SH3RF3: variants seen among roughly 807,000 people sequenced by gnomAD.
SH3RF3 encodes the protein E3 ubiquitin-protein ligase SH3RF3.
SH3RF3 carries 29 observed loss-of-function variants against 66.3 expected under a neutral mutation model. That is an observed-to-expected ratio of 0.44 (90% CI 0.33 to 0.60). The LOEUF is 0.60. Ranked by LOEUF, SH3RF3 falls within the 20% of genes least tolerant of loss-of-function variation. The probability of loss-of-function intolerance (pLI) is 0.04; values close to 1 mark genes in which losing one functional copy is unlikely to be tolerated. For missense variants in SH3RF3, 1,194 were observed against 1,190.9 expected (o/e 1.00, Z -0.04); for synonymous variants, 583 against 532.0 (o/e 1.10, Z -1.32).
intron 8 of SH3RF3, among the ~76,000 whole-genome samples, chr2:109,462,566 G>A (rs1317754528): frequency 6.6e-6 from 1 of 152,076 alleles, no homozygotes; most frequent in Non-Finnish European, 1.5e-5. Flanking sequence ...AGTCTTTGAT[G>A]GTGGCACTAA....
intron 2 of SH3RF3, among the ~76,000 whole-genome samples, chr2:109,354,191 G>A: frequency 6.6e-6 from 1 of 152,216 alleles, no homozygotes; most frequent in East Asian, 1.9e-4. Context: ...GCGACACAGA[G>A]TGGGTTGGGC....
At chr2:109,184,099 G>T (rs1335937949) in intron 1 of SH3RF3, among the ~76,000 whole-genome samples, 2 of 152,216 alleles carry the variant, frequency 1.3e-5, no homozygotes, top group Non-Finnish European at 2.9e-5. Flanking sequence ...CCATGTGGTG[G>T]TTCCATGTGC....
intron 7 of SH3RF3, among the ~76,000 whole-genome samples, chr2:109,442,218 G>A (rs1559085890): frequency 6.6e-6 from 1 of 151,856 alleles, no homozygotes; most frequent in East Asian, 1.9e-4. Context: ...GGCTGAGGCA[G>A]GTGAATGACA....
chr2:109,371,811 G>A, intron 3 of SH3RF3, 130 bp downstream of exon 3: 1 of 771,104 alleles, frequency 1.3e-6, no homozygotes, highest in Non-Finnish European at 2.2e-6. Context: ...CCTCTGGCCA[G>A]AGAGCTGCTA....
chr2:109,333,528 A>C (rs915435480), intron 1 of SH3RF3, among the ~76,000 whole-genome samples: 3 of 152,210 alleles, frequency 2.0e-5, no homozygotes, highest in Admixed American at 1.3e-4. Context: ...GTGTAAGTAA[A>C]GTTTTATTGG....
rs545395769 is a variant in SH3RF3, at chr2:109,384,633, G to A, written c.945+12952G>A. ...GGCCCCTTCTCTGCCGAGTGCCCGC[G>A]ACCTTGTGCCTGTGTCCATAGACTC... On this transcript the variant is annotated intron_variant, in intron 3 of 9. Coordinates refer to ENST00000309415, the MANE Select transcript of SH3RF3 (RefSeq NM_001099289.3). 3.5e-4 allele frequency among the ~76,000 whole-genome samples: 53 copies of A among 152,256 alleles called. No individual in the cohort carries two copies. In the South Asian group the frequency reaches 0.01, roughly 30 times the overall value.
intron 4 of SH3RF3, among the ~76,000 whole-genome samples, chr2:109,405,468 C>G (rs1331526925): frequency 6.6e-6 from 1 of 152,136 alleles, no homozygotes; most frequent in East Asian, 1.9e-4. Context: ...ACTGTCCATT[C>G]CCGTGAGCCT....
intron 4 of SH3RF3, among the ~76,000 whole-genome samples, chr2:109,410,799 G>A (rs1215704577): frequency 2.0e-5 from 3 of 152,354 alleles, no homozygotes; most frequent in Admixed American, 1.3e-4. Context: ...GGGCTGCTAG[G>A]CGCGACTTCG....
At chr2:109,501,314 AT>A (rs544778870) in intron 9 of SH3RF3, among the ~76,000 whole-genome samples, 188 bp from the exon 10 acceptor site, 4 of 152,176 alleles carry the variant, frequency 2.6e-5, no homozygotes, top group African/African-American at 7.2e-5. Context: ...TGCCTTTTAA[AT>A]TTTTTTTATT....
At chr2:109,365,888 A>G (rs1683143583) in intron 2 of SH3RF3, among the ~76,000 whole-genome samples, 1 of 152,230 alleles carries the variant, frequency 6.6e-6, no homozygotes, top group Non-Finnish European at 1.5e-5. Flanking sequence ...AAAGAAAAGT[A>G]TATTTTTGAT....
intron 1 of SH3RF3, among the ~76,000 whole-genome samples, chr2:109,140,770 A>G (rs1347082482): frequency 6.6e-6 from 1 of 152,180 alleles, no homozygotes; most frequent in Non-Finnish European, 1.5e-5. Context: ...TAGCCAGTCT[A>G]TGCAATATGA....
chr2:109,265,063 G>T (rs1014754833), intron 1 of SH3RF3, among the ~76,000 whole-genome samples: 1 of 152,192 alleles, frequency 6.6e-6, no homozygotes, highest in Admixed American at 6.5e-5. Flanking sequence ...TAATTGGCCT[G>T]CTCCCTGCAG....
At chr2:109,155,688 CTG>C (rs1183412516) in intron 1 of SH3RF3, among the ~76,000 whole-genome samples, 7 of 152,212 alleles carry the variant, frequency 4.6e-5, no homozygotes, top group Admixed American at 4.6e-4. Flanking sequence ...AATTGTAACA[CTG>C]TTCCCATGGG....
chr2:109,232,360 T>C (rs1679532793), intron 1 of SH3RF3, among the ~76,000 whole-genome samples: 2 of 152,222 alleles, frequency 1.3e-5, no homozygotes, highest in African/African-American at 2.4e-5. Flanking sequence ...TTGCTAAAAG[T>C]ATAAATATGG....
chr2:109,151,512 T>C (rs556814609), intron 1 of SH3RF3, among the ~76,000 whole-genome samples: 2 of 152,362 alleles, frequency 1.3e-5, no homozygotes, highest in South Asian at 4.1e-4. Context: ...TAAAAAGAAA[T>C]TGGTGAAATT....
At chr2:109,501,481 A>G (rs1345935882) in intron 9 of SH3RF3, 22 bp from the exon 10 acceptor site, 3 of 771,282 alleles carry the variant, frequency 3.9e-6, no homozygotes, top group South Asian at 1.4e-5. Context: ...TGTGGGGCTC[A>G]CCCACTGTGC....
At chr2:109,395,637 C>G (rs1403901586) in intron 3 of SH3RF3, among the ~76,000 whole-genome samples, 1 of 152,230 alleles carries the variant, frequency 6.6e-6, no homozygotes, top group Admixed American at 6.5e-5. Flanking sequence ...CCCACCCTCA[C>G]TCTCTGTCTC....
chr2:109,321,342 C>T (rs1045584018), intron 1 of SH3RF3, among the ~76,000 whole-genome samples: 1 of 152,200 alleles, frequency 6.6e-6, no homozygotes, highest in Admixed American at 6.5e-5. Context: ...ATTGCCTCTT[C>T]CATACCAGAA....
At chr2:109,377,649 A>G (rs1378857469) in intron 3 of SH3RF3, among the ~76,000 whole-genome samples, 3 of 152,212 alleles carry the variant, frequency 2.0e-5, no homozygotes, top group Non-Finnish European at 4.4e-5. Flanking sequence ...GAAATAATAT[A>G]ATACCCAGAA....
Sources: gnomAD v4.1 joint callset for allele counts (sites outside exome capture counted in the v4.1 genomes callset) on GRCh38, gnomAD v4.1.1 for gene constraint, MANE v1.5 for transcripts, NCBI Gene and HGNC (gene_info 2026-07-23, HGNC 2026-07-21) for gene names.